Variants in SRD5A2 observed in about 807,000 individuals in gnomAD.
The protein encoded by SRD5A2 is steroid 5 alpha-reductase 2, also known as 3-oxo-5-alpha-steroid 4-dehydrogenase 2.
In SRD5A2, 30 loss-of-function variants were observed where a neutral mutation model predicts 27.4. The observed-to-expected ratio is 1.10, with a 90% CI of 0.82 to 1.49. SRD5A2 has a LOEUF of 1.49. SRD5A2 is among the 40% of genes most tolerant of loss of function. SRD5A2 has a pLI of 0.00. For synonymous variants in SRD5A2, 141 were observed against 133.6 expected (o/e 1.06, Z -0.38); for missense variants, 348 against 323.4 (o/e 1.08, Z -0.58).
At chr2:31,602,439 T>C in the SRD5A2 span, among the ~76,000 whole-genome samples, 1 of 152,080 alleles carries the variant, frequency 6.6e-6, no homozygotes, top group Non-Finnish European at 1.5e-5. Context: ...CATTCCACGC[T>C]CATGGATAGG....
chr2:31,580,233 G>T (rs519704), intron 1 of SRD5A2, among the ~76,000 whole-genome samples: 1 of 152,124 alleles, frequency 6.6e-6, no homozygotes, highest in Non-Finnish European at 1.5e-5. Context: ...GCGGGGCGGG[G>T]CGCGATATGC....
chr2:31,525,209 G>A lies in SRD5A2; in HGVS notation c.*987C>T, dbSNP rs1406274414. ...AACAGGTCCTGAGAACTACAAGGAA[G>A]AAGCTCCAGGAAAGGAAAGTTGCTT... On this transcript the variant is annotated 3_prime_UTR_variant, in exon 5 of 5. Coordinates refer to ENST00000622030, the MANE Select transcript of SRD5A2 (RefSeq NM_000348.4). 9.0e-6 allele frequency: 2 copies of A among 222,398 alleles called. No homozygotes were observed. The highest frequency in any genetic ancestry group is 2.2e-5 in the African/African-American group (1 of 44,738). 13.8% of individuals were successfully genotyped at this position (222,398 alleles called of 1,614,324 possible). A position where few individuals can be genotyped will look rare whatever the true frequency, so the allele number is the denominator to read the frequency against.
chr2:31,538,635 C>T (rs2148070245), intron 1 of SRD5A2, among the ~76,000 whole-genome samples: 1 of 152,272 alleles, frequency 6.6e-6, no homozygotes, highest in Non-Finnish European at 1.5e-5. Context: ...CAATCTGATT[C>T]CCCAACTACA....
At chr2:31,632,033 C>G in the SRD5A2 span, among the ~76,000 whole-genome samples, 1 of 152,020 alleles carries the variant, frequency 6.6e-6, no homozygotes, top group Admixed American at 6.6e-5. Context: ...AGGAAGTATA[C>G]CTCTCTCTCA....
At chr2:31,555,451 G>A (rs1307081023) in intron 1 of SRD5A2, among the ~76,000 whole-genome samples, 3 of 152,082 alleles carry the variant, frequency 2.0e-5, no homozygotes, top group East Asian at 1.9e-4. Context: ...AACAAATCTC[G>A]GTAAGGTTTT....
chr2:31,550,874 G>A (rs933040924), intron 1 of SRD5A2, among the ~76,000 whole-genome samples: 5 of 151,818 alleles, frequency 3.3e-5, no homozygotes, highest in Non-Finnish European at 5.9e-5. Context: ...AGAAATTCTA[G>A]TCAGTGTAAT....
chr2:31,545,359 T>G (rs1666222561), intron 1 of SRD5A2, among the ~76,000 whole-genome samples: 2 of 152,068 alleles, frequency 1.3e-5, no homozygotes, highest in Admixed American at 6.6e-5. Context: ...TTGAGCAGCA[T>G]ATAAACAGAA....
chr2:31,589,808 G>A, the SRD5A2 span, among the ~76,000 whole-genome samples: 24 of 152,282 alleles, frequency 1.6e-4, no homozygotes, highest in South Asian at 6.2e-4. Flanking sequence ...GGAAGGGCAG[G>A]CAGGGAAGGG....
At chr2:31,568,618 C>G (rs1025394874) in intron 1 of SRD5A2, among the ~76,000 whole-genome samples, 15 of 152,188 alleles carry the variant, frequency 9.9e-5, no homozygotes, top group Non-Finnish European at 1.9e-4. Context: ...GAATTGACAG[C>G]CCAGCACCCA....
the SRD5A2 span, among the ~76,000 whole-genome samples, chr2:31,618,365 G>T: frequency 6.6e-6 from 1 of 152,122 alleles, no homozygotes; most frequent in Non-Finnish European, 1.5e-5. Context: ...ATATGTTGAA[G>T]AGGTATCTGC....
At chr2:31,630,311 C>A in the SRD5A2 span, among the ~76,000 whole-genome samples, 1 of 147,532 alleles carries the variant, frequency 6.8e-6, no homozygotes. Context: ...GAGAGAGAGA[C>A]AGAGAGAGAG....
chr2:31,606,273 T>A, the SRD5A2 span, among the ~76,000 whole-genome samples: 1 of 151,904 alleles, frequency 6.6e-6, no homozygotes, highest in African/African-American at 2.4e-5. Flanking sequence ...AATTGTACAC[T>A]TTGAAATAAC....
At chr2:31,584,480 AAAGTT>A (rs1236825435), upstream of SRD5A2, among the ~76,000 whole-genome samples, 2 of 152,182 alleles carry the variant, frequency 1.3e-5, no homozygotes, top group African/African-American at 2.4e-5. Flanking sequence ...CCAAACTTCA[AAAGTT>A]AAGGACATGG....
At chr2:31,647,213 T>C in the SRD5A2 span, among the ~76,000 whole-genome samples, 2 of 152,006 alleles carry the variant, frequency 1.3e-5, no homozygotes, top group African/African-American at 2.4e-5. Context: ...AAGAGGAATA[T>C]AGAACAGTGC....
rs566181112 is a variant in SRD5A2, at chr2:31,541,172, A to G, written c.282-7406T>C. ...ACAGAAAGATGCAAGCTCAGAGAATACCAGTAAAGACCTTATGTTTACACC... is the reference window on the plus strand; with the variant it reads ...ACAGAAAGATGCAAGCTCAGAGAATGCCAGTAAAGACCTTATGTTTACACC... On this transcript the variant is annotated intron_variant, in intron 1 of 4. Coordinates refer to ENST00000622030, the MANE Select transcript of SRD5A2 (RefSeq NM_000348.4). Among the ~76,000 whole-genome samples the G allele has an allele frequency of 9.8e-5, 15 of 152,316 alleles. No individual in the cohort carries two copies. In the South Asian group the frequency reaches 2.5e-3, roughly 25 times the overall value.
At chr2:31,604,339 C>G in the SRD5A2 span, among the ~76,000 whole-genome samples, 3 of 151,612 alleles carry the variant, frequency 2.0e-5, no homozygotes, top group Non-Finnish European at 1.5e-5. Flanking sequence ...AGGAAGAAGT[C>G]ATATTATTTT....
chr2:31,641,275 C>T, the SRD5A2 span, among the ~76,000 whole-genome samples: 12 of 152,060 alleles, frequency 7.9e-5, no homozygotes, highest in African/African-American at 2.9e-4. Flanking sequence ...GTAAAAAAAT[C>T]ATTTCATAAA....
chr2:31,583,663 C>CAAAAAAA (rs796349594), upstream of SRD5A2, among the ~76,000 whole-genome samples: 1 of 97,224 alleles, frequency 1.0e-5, no homozygotes, highest in African/African-American at 4.4e-5. Context: ...AAAAAAAAAG[C>CAAAAAAA]AAAAAAAAAA....
chr2:31,569,752 T>C (rs1336682072), intron 1 of SRD5A2, among the ~76,000 whole-genome samples: 2 of 150,306 alleles, frequency 1.3e-5, no homozygotes, highest in African/African-American at 2.4e-5. Context: ...TCAAAATGTG[T>C]CATAGACCTG....
Sources: gnomAD v4.1 joint callset for allele counts (sites outside exome capture counted in the v4.1 genomes callset) on GRCh38, gnomAD v4.1.1 for gene constraint, MANE v1.5 for transcripts, NCBI Gene and HGNC (gene_info 2026-07-23, HGNC 2026-07-21) for gene names.